The following PTPRO variants were observed in gnomAD, a reference collection of about 807,000 sequenced individuals.
PTPRO encodes receptor-type tyrosine-protein phosphatase O.
In PTPRO, 62 loss-of-function variants were observed where a neutral mutation model predicts 145.2. That is an observed-to-expected ratio of 0.43 (90% confidence interval 0.35 to 0.53). The LOEUF (loss-of-function observed/expected upper bound fraction) is 0.53. Among genes scored for constraint, PTPRO ranks in the 20% least tolerant of loss-of-function variants. PTPRO has a pLI of 0.01. For missense variants in PTPRO, 1,345 were observed against 1,482.7 expected (o/e 0.91, Z 1.53); for synonymous variants, 565 against 514.7 (o/e 1.10, Z -1.32).
intron 1 of PTPRO, among the ~76,000 whole-genome samples, chr12:15,397,210 C>A (rs1019393635): frequency 6.6e-6 from 1 of 152,000 alleles, no homozygotes; most frequent in Non-Finnish European, 1.5e-5. Flanking sequence ...ATCTAAGTAA[C>A]AGATAATATT....
intron 10 of PTPRO, among the ~76,000 whole-genome samples, chr12:15,522,167 A>C (rs1346811107): frequency 1.3e-5 from 2 of 152,116 alleles, no homozygotes; most frequent in Non-Finnish European, 2.9e-5. Flanking sequence ...AATGTAAGTC[A>C]CTATTATAAT....
chr12:15,454,015 G>A (rs1411814385), intron 1 of PTPRO, among the ~76,000 whole-genome samples: 1 of 152,078 alleles, frequency 6.6e-6, no homozygotes, highest in African/African-American at 2.4e-5. Context: ...CTTGGCTATT[G>A]TGAATAACAG....
At chr12:15,519,570 G>A (rs1591678957) in intron 9 of PTPRO, among the ~76,000 whole-genome samples, 1 of 152,172 alleles carries the variant, frequency 6.6e-6, no homozygotes, top group Non-Finnish European at 1.5e-5. Context: ...TCCTGGGGAG[G>A]AACACAAAGA....
chr12:15,397,563 C>T (rs1939375451), intron 1 of PTPRO, among the ~76,000 whole-genome samples: 1 of 152,152 alleles, frequency 6.6e-6, no homozygotes, highest in African/African-American at 2.4e-5. Flanking sequence ...TTCATTTTAC[C>T]TCCAACTGAG....
chr12:15,404,186 C>G (rs1320676569), intron 1 of PTPRO, among the ~76,000 whole-genome samples: 1 of 69,168 alleles, frequency 1.4e-5, no homozygotes, highest in African/African-American at 6.5e-5. Context: ...AAGACCCCAT[C>G]TCAAAAAAAA....
At chr12:15,508,961 C>G (rs1942378925) in intron 7 of PTPRO, among the ~76,000 whole-genome samples, 194 bp downstream of exon 7, 1 of 152,202 alleles carries the variant, frequency 6.6e-6, no homozygotes, top group African/African-American at 2.4e-5. Context: ...ATCTCCCTTT[C>G]TCTTCAGAGG....
chr12:15,588,339 C>T (rs1944473352), intron 24 of PTPRO, among the ~76,000 whole-genome samples: 1 of 152,114 alleles, frequency 6.6e-6, no homozygotes, highest in African/African-American at 2.4e-5. Flanking sequence ...TATAAATTTG[C>T]TTGAACTTTC....
rs561173433 is a variant in PTPRO, at chr12:15,352,081, A to C, written c.75+29280A>C. ...CTTTGTGGATGCACTTTGAGGAAGC[A>C]CCTCATTATCTTGACTCTTGGCTGT... On this transcript the variant is annotated intron_variant, in intron 1 of 26. Transcript: ENST00000281171. Among the ~76,000 whole-genome samples the C allele has an allele frequency of 3.9e-5, 6 of 152,240 alleles. No homozygotes were observed. In the East Asian group the frequency reaches 7.7e-4, roughly 20 times the overall value.
At chr12:15,593,675 C>T (rs1445032017) in intron 25 of PTPRO, among the ~76,000 whole-genome samples, 4 of 152,114 alleles carry the variant, frequency 2.6e-5, no homozygotes, top group Non-Finnish European at 5.9e-5. Context: ...AACCAATCTC[C>T]TTTTTATAGA....
intron 17 of PTPRO, among the ~76,000 whole-genome samples, chr12:15,562,215 T>C (rs2047181531): frequency 6.6e-6 from 1 of 152,110 alleles, no homozygotes; most frequent in Admixed American, 6.6e-5. Context: ...GAAGTGAAAT[T>C]CATGCTCCCC....
chr12:15,537,822 G>A (rs1461570339), intron 12 of PTPRO, among the ~76,000 whole-genome samples: 1 of 152,154 alleles, frequency 6.6e-6, no homozygotes, highest in Non-Finnish European at 1.5e-5. Flanking sequence ...GATGGAACCC[G>A]GGGATCCAGT....
chr12:15,406,622 A>G (rs1939655009), intron 1 of PTPRO, among the ~76,000 whole-genome samples: 1 of 152,204 alleles, frequency 6.6e-6, no homozygotes, highest in Non-Finnish European at 1.5e-5. Flanking sequence ...CAATAATGCC[A>G]TAATATGCGA....
chr12:15,582,599 G>A (rs1944344684), intron 23 of PTPRO, among the ~76,000 whole-genome samples: 1 of 152,194 alleles, frequency 6.6e-6, no homozygotes, highest in South Asian at 2.1e-4. Context: ...ATTGAGGACA[G>A]AAGTGTTCTC....
At chr12:15,329,067 A>C (rs1211777914) in intron 1 of PTPRO, among the ~76,000 whole-genome samples, 2 of 152,294 alleles carry the variant, frequency 1.3e-5, no homozygotes, top group African/African-American at 4.8e-5. Context: ...CTGCCTACTA[A>C]GTTTTTAATA....
At chr12:15,415,578 G>A (rs1481167235) in intron 1 of PTPRO, among the ~76,000 whole-genome samples, 1 of 148,638 alleles carries the variant, frequency 6.7e-6, no homozygotes. Context: ...TAGAGACGGG[G>A]TTTCACTCAT....
chr12:15,351,922 A>G (rs1463377604), intron 1 of PTPRO, among the ~76,000 whole-genome samples: 2 of 152,176 alleles, frequency 1.3e-5, no homozygotes, highest in Non-Finnish European at 1.5e-5. Flanking sequence ...CTCAGGAAAA[A>G]CATGTGATTT....
intron 1 of PTPRO, among the ~76,000 whole-genome samples, chr12:15,440,722 C>A (rs1018296272): frequency 6.6e-6 from 1 of 151,954 alleles, no homozygotes; most frequent in Non-Finnish European, 1.5e-5. Flanking sequence ...AAGCAGGGGT[C>A]ACTATTCTTC....
intron 1 of PTPRO, among the ~76,000 whole-genome samples, chr12:15,333,694 G>C (rs1866676395): frequency 6.6e-6 from 1 of 152,178 alleles, no homozygotes; most frequent in South Asian, 2.1e-4. Context: ...CACCAGGGTG[G>C]AGGATGACCT....
chr12:15,594,537 A>G (rs1944618213), intron 25 of PTPRO, among the ~76,000 whole-genome samples: 1 of 151,886 alleles, frequency 6.6e-6, no homozygotes, highest in Non-Finnish European at 1.5e-5. Flanking sequence ...ATACATATAT[A>G]TGTATATATA....
Sources: gnomAD v4.1 joint callset for allele counts (sites outside exome capture counted in the v4.1 genomes callset) on GRCh38, gnomAD v4.1.1 for gene constraint, MANE v1.5 for transcripts, NCBI Gene and HGNC (gene_info 2026-07-23, HGNC 2026-07-21) for gene names.